CHCHD3: variants seen among roughly 807,000 people sequenced by gnomAD.
The protein encoded by CHCHD3 is MICOS complex subunit MIC19.
A neutral mutation model predicts 38.2 loss-of-function variants in CHCHD3; 20 were observed. That is an observed-to-expected ratio of 0.52 (90% CI 0.37 to 0.76). CHCHD3 has a LOEUF of 0.76. CHCHD3 is among the 30% of genes least tolerant of loss of function. The probability of loss-of-function intolerance (pLI) is 0.00; values close to 1 mark genes in which losing one functional copy is unlikely to be tolerated. For missense variants in CHCHD3, 245 were observed against 279.2 expected, an observed-to-expected ratio of 0.88 and a Z score of 0.87; for synonymous variants, 82 against 100.0, an observed-to-expected ratio of 0.82 and a Z score of 1.07.
intron 4 of CHCHD3, among the ~76,000 whole-genome samples, chr7:132,919,726 G>A (rs2117235634): frequency 1.3e-5 from 2 of 152,252 alleles, no homozygotes; most frequent in Middle Eastern, 3.4e-3. Flanking sequence ...TACACTACTG[G>A]ATGAGCAAAG....
At chr7:132,786,165 T>C (rs1806311388) in intron 7 of CHCHD3, among the ~76,000 whole-genome samples, 1 of 152,182 alleles carries the variant, frequency 6.6e-6, no homozygotes, top group Non-Finnish European at 1.5e-5. Flanking sequence ...GCAACAGTCT[T>C]TGCTGTCTCA....
At chr7:132,872,231 C>A (rs1360358127) in intron 5 of CHCHD3, among the ~76,000 whole-genome samples, 1 of 152,180 alleles carries the variant, frequency 6.6e-6, no homozygotes, top group African/African-American at 2.4e-5. Context: ...GAAACAAGTG[C>A]ACACTCAGTC....
intron 4 of CHCHD3, among the ~76,000 whole-genome samples, chr7:132,942,153 C>T (rs1405308742): frequency 1.3e-5 from 2 of 152,104 alleles, no homozygotes; most frequent in Admixed American, 6.5e-5. Context: ...GGAGACAACA[C>T]ACTTCTAATA....
intron 3 of CHCHD3, among the ~76,000 whole-genome samples, chr7:132,986,217 A>C (rs1316305972): frequency 1.3e-5 from 2 of 148,590 alleles, no homozygotes; most frequent in African/African-American, 2.5e-5. Flanking sequence ...ATGCTCGTTA[A>C]GAGTCATCAC....
At chr7:132,827,528 G>C (rs1010290862) in intron 6 of CHCHD3, among the ~76,000 whole-genome samples, 1 of 152,174 alleles carries the variant, frequency 6.6e-6, no homozygotes, top group African/African-American at 2.4e-5. Flanking sequence ...TTCCAATCTT[G>C]GAGGATTTGG....
intron 4 of CHCHD3, chr7:132,972,941 G>T: frequency 1.0e-6 from 1 of 985,392 alleles, no homozygotes; most frequent in Non-Finnish European, 1.2e-6. Context: ...GATTTATTAG[G>T]TAAAACAGAA....
At chr7:132,931,731 C>A (rs1021971711) in intron 4 of CHCHD3, among the ~76,000 whole-genome samples, 1 of 152,130 alleles carries the variant, frequency 6.6e-6, no homozygotes, top group Non-Finnish European at 1.5e-5. Context: ...TCTGATTCAA[C>A]ATTAACTATC....
At chr7:132,857,921 A>G (rs2117126859) in intron 5 of CHCHD3, among the ~76,000 whole-genome samples, 1 of 152,364 alleles carries the variant, frequency 6.6e-6, no homozygotes, top group African/African-American at 2.4e-5. Flanking sequence ...TATTTGGCCT[A>G]GCAGGTCACA....
chr7:132,907,760 T>C (rs1022380178), intron 4 of CHCHD3, among the ~76,000 whole-genome samples: 2 of 152,014 alleles, frequency 1.3e-5, no homozygotes, highest in African/African-American at 4.8e-5. Flanking sequence ...GAGGGGAGAA[T>C]GCCAGTAGGG....
Position 132,785,638 on chromosome 7 carries a change from T to A in CHCHD3, c.683A>T (p.Ter228LeuextTer5). 2 of 1,614,148 alleles carry A rather than the reference T, an allele frequency of 1.2e-6. No homozygotes were observed. The highest frequency in any genetic ancestry group is 2.2e-5 in the East Asian group (1 of 44,864). The change falls in exon 8 of 8, where the codon TAA (stop) becomes TTA (leucine). Residue 228 changes from the stop codon to leucine (L), a stop_lost. Coordinates refer to ENST00000262570, the MANE Select transcript of CHCHD3 (RefSeq NM_017812.4). Reference protein sequence around the residue: ...AKQSMLEKGG* With the variant: ...AKQSMLEKGGL ...GTGTTTTGCTCATTCTGAAAGTTTTTATCCTCCCTTCTCAAGCATGCTCTG... is the reference window on the plus strand; with the variant it reads ...GTGTTTTGCTCATTCTGAAAGTTTTAATCCTCCCTTCTCAAGCATGCTCTG...
intron 6 of CHCHD3, among the ~76,000 whole-genome samples, chr7:132,816,170 C>T (rs1585539491): frequency 6.6e-6 from 1 of 152,156 alleles, no homozygotes; most frequent in Non-Finnish European, 1.5e-5. Context: ...AAGCACCTTG[C>T]CATACAAAAT....
chr7:132,913,948 C>CTTTTTT (rs71178066), intron 4 of CHCHD3, among the ~76,000 whole-genome samples: 259 of 102,212 alleles, frequency 2.5e-3, no homozygotes, highest in East Asian at 4.2e-3. Flanking sequence ...TTTTCTTTTT[C>CTTTTTT]TTTTTTTTTT....
intron 2 of CHCHD3, among the ~76,000 whole-genome samples, chr7:133,034,332 ATAATTTCTC>A (rs1486190846): frequency 6.6e-6 from 1 of 152,180 alleles, no homozygotes; most frequent in Non-Finnish European, 1.5e-5. Context: ...ATAATAAGAA[ATAATTTCTC>A]TATAAACAGC....
intron 4 of CHCHD3, among the ~76,000 whole-genome samples, chr7:132,920,625 G>A (rs1810236830): frequency 6.6e-6 from 1 of 152,116 alleles, no homozygotes; most frequent in African/African-American, 2.4e-5. Flanking sequence ...GGTCATGAAG[G>A]TTCCAGATGC....
intron 4 of CHCHD3, among the ~76,000 whole-genome samples, chr7:132,944,144 G>A (rs1431349096): frequency 6.6e-6 from 1 of 151,994 alleles, no homozygotes; most frequent in Non-Finnish European, 1.5e-5. Flanking sequence ...GTCATTAATT[G>A]CTCCTTAGCA....
chr7:132,823,765 C>T (rs1807440409), intron 6 of CHCHD3, among the ~76,000 whole-genome samples: 1 of 152,146 alleles, frequency 6.6e-6, no homozygotes, highest in Non-Finnish European at 1.5e-5. Context: ...TCTGAATAAA[C>T]CACATACGTT....
At chr7:132,825,087 A>G (rs898620525) in intron 6 of CHCHD3, among the ~76,000 whole-genome samples, 1 of 152,212 alleles carries the variant, frequency 6.6e-6, no homozygotes, top group African/African-American at 2.4e-5. Context: ...AATGATCCCA[A>G]TGAGTATAAG....
chr7:133,069,808 T>A (rs1814766529), intron 2 of CHCHD3, among the ~76,000 whole-genome samples: 1 of 152,230 alleles, frequency 6.6e-6, no homozygotes, highest in African/African-American at 2.4e-5. Context: ...ATTTTCTAAG[T>A]TCGATTTTTT....
intron 2 of CHCHD3, among the ~76,000 whole-genome samples, chr7:133,051,721 C>A (rs1814173439): frequency 6.6e-6 from 1 of 152,156 alleles, no homozygotes. Flanking sequence ...AAAGACAATT[C>A]TCATTTATAA....
Sources: gnomAD v4.1 joint callset for allele counts (sites outside exome capture counted in the v4.1 genomes callset) on GRCh38, gnomAD v4.1.1 for gene constraint, MANE v1.5 for transcripts, NCBI Gene and HGNC (gene_info 2026-07-23, HGNC 2026-07-21) for gene names.